Variants in TBC1D19 observed in about 807,000 individuals in gnomAD.
The protein encoded by TBC1D19 is TBC1 domain family, member 19.
Under a neutral mutation model 89.0 loss-of-function variants are expected in TBC1D19, and 60 were observed. That is an observed-to-expected ratio of 0.67 (90% CI 0.55 to 0.84). The LOEUF (loss-of-function observed/expected upper bound fraction) is 0.84. TBC1D19 is among the 40% of genes least tolerant of loss of function. TBC1D19 has a pLI of 0.00. For missense variants in TBC1D19, 500 were observed against 610.8 expected, an observed-to-expected ratio of 0.82 and a Z score of 1.91; for synonymous variants, 189 against 199.7, an observed-to-expected ratio of 0.95 and a Z score of 0.45.
chr4:26,635,799 G>A (rs1743083980), intron 4 of TBC1D19, among the ~76,000 whole-genome samples: 1 of 152,210 alleles, frequency 6.6e-6, no homozygotes, highest in Admixed American at 6.5e-5. Flanking sequence ...TGGGGACCAG[G>A]TGAGAAAAGT....
intron 7 of TBC1D19, among the ~76,000 whole-genome samples, chr4:26,642,786 C>G (rs1743636996): frequency 6.6e-6 from 1 of 151,330 alleles, no homozygotes; most frequent in Non-Finnish European, 1.5e-5. Context: ...CAATCCTAGT[C>G]TCTGATAAAA....
At chr4:26,605,796 G>A (rs1289864083) in intron 1 of TBC1D19, among the ~76,000 whole-genome samples, 1 of 152,134 alleles carries the variant, frequency 6.6e-6, no homozygotes, top group East Asian at 1.9e-4. Flanking sequence ...GCATTTCTCT[G>A]ATGGCCAGTG....
At chr4:26,777,428 C>T in the TBC1D19 span, among the ~76,000 whole-genome samples, 1 of 151,900 alleles carries the variant, frequency 6.6e-6, no homozygotes, top group Admixed American at 6.6e-5. Flanking sequence ...AGCCACCGCA[C>T]TCTGCCTGTT....
chr4:26,579,755 C>T (rs1979625), upstream of TBC1D19, among the ~76,000 whole-genome samples: 48 of 144,756 alleles, frequency 3.3e-4, no homozygotes, highest in Admixed American at 5.4e-4. Context: ...TAAGAACATA[C>T]GGTGTTTGGT....
At chr4:26,760,326 G>C (rs1046997762), downstream of TBC1D19, among the ~76,000 whole-genome samples, 7 of 152,142 alleles carry the variant, frequency 4.6e-5, no homozygotes, top group African/African-American at 1.7e-4. Flanking sequence ...ACTTTGGGAG[G>C]CCAAGGCAGG....
chr4:26,777,410 C>T, the TBC1D19 span, among the ~76,000 whole-genome samples: 1 of 152,018 alleles, frequency 6.6e-6, no homozygotes, highest in Non-Finnish European at 1.5e-5. Flanking sequence ...GCTGAGGTTA[C>T]AGGCGTGAGC....
chr4:26,763,498 A>G, the TBC1D19 span, among the ~76,000 whole-genome samples: 2 of 152,204 alleles, frequency 1.3e-5, no homozygotes, highest in Non-Finnish European at 1.5e-5. Context: ...AAATTTACCT[A>G]TAGCCTTGAA....
At position 26,611,458 on chromosome 4, in the gene TBC1D19, C is replaced by T. The variant is rs181082313; in HGVS notation, c.100-1711C>T. Among the ~76,000 whole-genome samples, 263 of 151,566 alleles carry T rather than the reference C, an allele frequency of 1.7e-3. 1 individual carries two copies. The highest frequency in any genetic ancestry group is 2.7e-3 in the Non-Finnish European group (186 of 67,970). ...GTATAGCTCAACATGTTCCTCTGCC[C>T]TTTGTATGTCTTATAAGTTGACAGG... On this transcript the variant is annotated intron_variant, in intron 1 of 20. Transcript: ENST00000264866.
At chr4:26,577,868 A>G (rs1739004975) in intron 1 of TBC1D19, among the ~76,000 whole-genome samples, 1 of 152,228 alleles carries the variant, frequency 6.6e-6, no homozygotes, top group African/African-American at 2.4e-5. Context: ...TTTTTATATT[A>G]TAATAAACAC....
chr4:26,620,798 G>C lies in TBC1D19; in HGVS notation c.294+110G>C, dbSNP rs1742000661. On this transcript the variant is annotated intron_variant, in intron 4 of 20. Coordinates refer to ENST00000264866, the MANE Select transcript of TBC1D19 (RefSeq NM_018317.4). ...TGTATTATTAATTATGAAATACTGG[G>C]TAAGAACCACTAAATTTATGTTAAT... 1.0e-5 allele frequency: 9 copies of C among 878,306 alleles called. No homozygotes were observed. In the Admixed American group the frequency reaches 2.5e-4, roughly 24 times the overall value. 54.4% of individuals were successfully genotyped at this position (878,306 alleles called of 1,614,324 possible). A position where few individuals can be genotyped will look rare whatever the true frequency, so the allele number is the denominator to read the frequency against.
chr4:26,731,613 G>A (rs1168200109), intron 15 of TBC1D19, among the ~76,000 whole-genome samples: 1 of 152,132 alleles, frequency 6.6e-6, no homozygotes, highest in East Asian at 1.9e-4. Flanking sequence ...TACTGGTAGA[G>A]CGAAAGAGAA....
At chr4:26,785,362 G>C in the TBC1D19 span, among the ~76,000 whole-genome samples, 1 of 152,162 alleles carries the variant, frequency 6.6e-6, no homozygotes, top group African/African-American at 2.4e-5. Flanking sequence ...GGACTTCAGA[G>C]AACAAAATGG....
In TBC1D19 at chr4:26,600,990, T is replaced by G. The variant is rs148633562; in HGVS notation, c.100-12179T>G. Among the ~76,000 whole-genome samples, 56 of 152,306 alleles carry G rather than the reference T, an allele frequency of 3.7e-4. No individual in the cohort carries two copies. The East Asian group carries it at 6.6e-3, about 18-fold the overall frequency. On this transcript the variant is annotated intron_variant, in intron 1 of 20. Coordinates refer to ENST00000264866, the MANE Select transcript of TBC1D19 (RefSeq NM_018317.4). Reference sequence around the variant, plus strand: ...TCTCATCTGTGGTAGGTTGGGCTCTTGAGAGAAATTAGAAAAGTACAAAAC... The same window carrying G: ...TCTCATCTGTGGTAGGTTGGGCTCTGGAGAGAAATTAGAAAAGTACAAAAC...
the TBC1D19 span, among the ~76,000 whole-genome samples, chr4:26,797,301 G>T: frequency 6.6e-6 from 1 of 151,954 alleles, no homozygotes; most frequent in Non-Finnish European, 1.5e-5. Context: ...CCCCGCAGTG[G>T]CCACAAAAGA....
At chr4:26,742,715 T>C (rs1006567622) in intron 18 of TBC1D19, 116 bp downstream of exon 18, 2 of 648,922 alleles carry the variant, frequency 3.1e-6, no homozygotes, top group Non-Finnish European at 4.9e-6. Flanking sequence ...CTAACAGTTT[T>C]CCTAATAAAA....
chr4:26,814,208 C>G, the TBC1D19 span, among the ~76,000 whole-genome samples: 1 of 152,206 alleles, frequency 6.6e-6, no homozygotes, highest in South Asian at 2.1e-4. Context: ...GATTTTAAAT[C>G]AAGAGGCTTG....
chr4:26,639,649 G>A (rs1004049769), intron 6 of TBC1D19, among the ~76,000 whole-genome samples: 4 of 152,122 alleles, frequency 2.6e-5, no homozygotes, highest in African/African-American at 9.6e-5. Flanking sequence ...TAATTGTATA[G>A]ACAGACATGT....
the TBC1D19 span, among the ~76,000 whole-genome samples, chr4:26,780,516 T>C: frequency 6.6e-6 from 1 of 152,170 alleles, no homozygotes; most frequent in African/African-American, 2.4e-5. Context: ...TAATCCTCAT[T>C]GCTTCCCAAA....
chr4:26,746,814 C>G (rs1718674493), intron 18 of TBC1D19, among the ~76,000 whole-genome samples: 1 of 152,062 alleles, frequency 6.6e-6, no homozygotes, highest in African/African-American at 2.4e-5. Context: ...GCAAGCATCA[C>G]TACTCTTACT....
Sources: allele counts gnomAD v4.1 joint callset (sites outside exome capture counted in the v4.1 genomes callset), GRCh38; gene constraint gnomAD v4.1.1; transcripts MANE v1.5; gene names NCBI Gene and HGNC (gene_info 2026-07-23, HGNC 2026-07-21).